Variants in RABGAP1L observed in about 807,000 individuals in gnomAD.
RABGAP1L encodes RAB GTPase activating protein 1 like, also known as rab GTPase-activating protein 1-like.
RABGAP1L carries 63 observed loss-of-function variants against 137.7 expected under a neutral mutation model. The ratio of observed to expected loss-of-function variants is 0.46; its 90% CI spans 0.37 to 0.56. The LOEUF (loss-of-function observed/expected upper bound fraction) is 0.56, where lower values mean the gene tolerates loss of function less well. Ranked by LOEUF, RABGAP1L falls within the 20% of genes least tolerant of loss-of-function variation. The pLI is 0.00. For synonymous variants in RABGAP1L, 431 were observed against 433.7 expected (o/e 0.99, Z 0.08); for missense variants, 1,095 against 1,244.0 (o/e 0.88, Z 1.80).
chr1:174,684,865 G>A (rs974572352), intron 15 of RABGAP1L, among the ~76,000 whole-genome samples: 1 of 152,100 alleles, frequency 6.6e-6, no homozygotes, highest in African/African-American at 2.4e-5. Flanking sequence ...TAGTGGTGGT[G>A]AGCTACCTGG....
chr1:174,277,829 C>A (rs1325269296), intron 9 of RABGAP1L, among the ~76,000 whole-genome samples: 1 of 152,072 alleles, frequency 6.6e-6, no homozygotes, highest in African/African-American at 2.4e-5. Context: ...TAATGTCTAA[C>A]AAATTTTAGT....
At chr1:174,417,863 C>T (rs1243382850) in intron 13 of RABGAP1L, among the ~76,000 whole-genome samples, 1 of 152,186 alleles carries the variant, frequency 6.6e-6, no homozygotes. Context: ...TGTTTTAGAA[C>T]TGGAAATAGA....
chr1:174,710,312 A>C (rs554810815), intron 17 of RABGAP1L, among the ~76,000 whole-genome samples: 1 of 152,306 alleles, frequency 6.6e-6, no homozygotes, highest in South Asian at 2.1e-4. Flanking sequence ...AATACAGAGA[A>C]CACCACAGAG....
At chr1:174,333,245 T>C (rs535856251) in intron 11 of RABGAP1L, among the ~76,000 whole-genome samples, 2 of 152,304 alleles carry the variant, frequency 1.3e-5, no homozygotes, top group African/African-American at 4.8e-5. Context: ...ATTCTGCTAC[T>C]CCGTTTTACA....
intron 13 of RABGAP1L, among the ~76,000 whole-genome samples, chr1:174,463,454 T>C (rs1464587828): frequency 2.1e-5 from 3 of 144,418 alleles, no homozygotes; most frequent in Non-Finnish European, 4.5e-5. Flanking sequence ...TAGGTGGGAA[T>C]CGAACAATGA....
intron 12 of RABGAP1L, among the ~76,000 whole-genome samples, chr1:174,383,595 C>T (rs1400903516): frequency 2.0e-5 from 3 of 152,324 alleles, no homozygotes; most frequent in Non-Finnish European, 1.5e-5. Context: ...GGAAAGGGAA[C>T]TCCCTGACCC....
chr1:174,804,581 G>A (rs1388584676), intron 18 of RABGAP1L, among the ~76,000 whole-genome samples: 1 of 152,050 alleles, frequency 6.6e-6, no homozygotes, highest in Non-Finnish European at 1.5e-5. Flanking sequence ...CCAAAGTGTT[G>A]GGATTACAGG....
chr1:174,773,701 A>T (rs1558064471), intron 18 of RABGAP1L, among the ~76,000 whole-genome samples: 1 of 152,228 alleles, frequency 6.6e-6, no homozygotes, highest in African/African-American at 2.4e-5. Flanking sequence ...AAAAATCATC[A>T]TGAAATTAAA....
chr1:174,224,530 G>T (rs546564012), intron 3 of RABGAP1L, among the ~76,000 whole-genome samples: 33 of 152,190 alleles, frequency 2.2e-4, no homozygotes, highest in Non-Finnish European at 2.4e-4. Flanking sequence ...CTTCTTGAGT[G>T]TACTTTGGTG....
chr1:174,653,586 G>A (rs1404818609), intron 14 of RABGAP1L, among the ~76,000 whole-genome samples: 1 of 152,142 alleles, frequency 6.6e-6, no homozygotes, highest in Non-Finnish European at 1.5e-5. Context: ...GCTTCAGGTT[G>A]CCCCCGTACC....
Position 174,575,746 on chromosome 1 carries a change from C to T in RABGAP1L, c.1711-61629C>T, listed in dbSNP as rs113495122. The stretch of plus-strand genomic sequence containing the variant: ...ATCTGGCCAGCAGCCCGCAATGCAG[C>T]GGGGCTCTCTTTCTTTTCCCAGGCA... On this transcript the variant is annotated intron_variant, in intron 13 of 25. Transcript: ENST00000681986. 1.6e-3 allele frequency among the ~76,000 whole-genome samples: 249 copies of T among 152,220 alleles called. 2 individuals carry two copies. Among genetic ancestry groups the T allele is most frequent in the Non-Finnish European group, 2.8e-3 (190 of 68,016 alleles).
intron 18 of RABGAP1L, among the ~76,000 whole-genome samples, chr1:174,788,195 G>A (rs781540167): frequency 5.3e-5 from 8 of 152,164 alleles, no homozygotes; most frequent in Non-Finnish European, 1.0e-4. Context: ...GACTTGCGAC[G>A]AAAGTAACCA....
At chr1:174,984,969 T>G (rs1485349987) in intron 24 of RABGAP1L, among the ~76,000 whole-genome samples, 1 of 152,200 alleles carries the variant, frequency 6.6e-6, no homozygotes, top group African/African-American at 2.4e-5. Flanking sequence ...CAGTGTCTCA[T>G]TACAGAGACT....
At chr1:174,651,102 C>A (rs998631398) in intron 14 of RABGAP1L, among the ~76,000 whole-genome samples, 1 of 152,098 alleles carries the variant, frequency 6.6e-6, no homozygotes, top group Non-Finnish European at 1.5e-5. Flanking sequence ...ACCCAGCAGT[C>A]ATTCAGGAGC....
Position 174,917,932 on chromosome 1 carries a change from TAAAAAA to T in RABGAP1L, c.2341-39512_2341-39507del, listed in dbSNP as rs77326102. Among the ~76,000 whole-genome samples the T allele has an allele frequency of 2.4e-3, 280 of 116,442 alleles. 3 individuals carry two copies. Among genetic ancestry groups the T allele is most frequent in the African/African-American group, 8.9e-3 (271 of 30,464 alleles). 76.4% of individuals were successfully genotyped at this position (116,442 alleles called of 152,430 possible). A position where few individuals can be genotyped will look rare whatever the true frequency, so the allele number is the denominator to read the frequency against. The stretch of plus-strand genomic sequence containing the variant: ...TGGGTGACAGAGTGAGACTCTGTCT[TAAAAAA>T]AAAAAAAAAAAAGCCCAAAAAACAT... On this transcript the variant is annotated intron_variant, in intron 19 of 25. Coordinates refer to ENST00000681986, the MANE Select transcript of RABGAP1L (RefSeq NM_001366446.1).
chr1:174,609,556 A>G (rs1671030947), intron 13 of RABGAP1L, among the ~76,000 whole-genome samples: 1 of 152,142 alleles, frequency 6.6e-6, no homozygotes, highest in Non-Finnish European at 1.5e-5. Context: ...ACAGCAAAGA[A>G]CCTGAGCCTG....
At chr1:174,785,676 C>G (rs983008066) in intron 18 of RABGAP1L, among the ~76,000 whole-genome samples, 1 of 152,174 alleles carries the variant, frequency 6.6e-6, no homozygotes, top group Non-Finnish European at 1.5e-5. Context: ...CGGGACCATT[C>G]GAGCCCTGTA....
At chr1:174,720,845 G>T (rs147973687) in intron 17 of RABGAP1L, among the ~76,000 whole-genome samples, 2 of 152,146 alleles carry the variant, frequency 1.3e-5, no homozygotes, top group African/African-American at 4.8e-5. Flanking sequence ...AGTGATGATG[G>T]TTGTACAGCC....
chr1:174,860,966 A>C (rs907144632), intron 19 of RABGAP1L, among the ~76,000 whole-genome samples: 2 of 152,158 alleles, frequency 1.3e-5, no homozygotes, highest in Admixed American at 6.5e-5. Context: ...TAGCAAATCT[A>C]CATCTCCCTT....
Sources: allele counts gnomAD v4.1 joint callset (sites outside exome capture counted in the v4.1 genomes callset), GRCh38; gene constraint gnomAD v4.1.1; transcripts MANE v1.5; gene names NCBI Gene and HGNC (gene_info 2026-07-23, HGNC 2026-07-21).